Variants in BICD1 observed in about 807,000 individuals in gnomAD.
BICD1 encodes the protein protein bicaudal D homolog 1.
Under a neutral mutation model 92.5 loss-of-function variants are expected in BICD1, and 35 were observed. That is an observed-to-expected ratio of 0.38 (90% CI 0.29 to 0.50). BICD1 has a LOEUF of 0.50. Ranked by LOEUF, BICD1 falls within the 20% of genes least tolerant of loss-of-function variation. The pLI, the probability that BICD1 is intolerant of heterozygous loss-of-function variation, is 0.93. For synonymous variants in BICD1, 429 were observed against 465.1 expected, an observed-to-expected ratio of 0.92 and a Z score of 1.00; for missense variants, 950 against 1,189.8, an observed-to-expected ratio of 0.80 and a Z score of 2.97.
chr12:32,246,247 G>A (rs1410644033), intron 2 of BICD1, among the ~76,000 whole-genome samples: 1 of 150,378 alleles, frequency 6.6e-6, no homozygotes, highest in African/African-American at 2.4e-5. Flanking sequence ...AGGCTGAGGC[G>A]GGAGGATCAC....
chr12:32,346,562 A>ATATATATATACGTGTG (rs1565687093), intron 8 of BICD1, among the ~76,000 whole-genome samples: 2 of 37,170 alleles, frequency 5.4e-5, no homozygotes, highest in Non-Finnish European at 8.2e-5. Flanking sequence ...ATATATATAT[A>ATATATATATACGTGTG]TATATATATA....
intron 4 of BICD1, among the ~76,000 whole-genome samples, chr12:32,323,722 C>A (rs1469268277): frequency 6.6e-6 from 1 of 152,150 alleles, no homozygotes; most frequent in African/African-American, 2.4e-5. Context: ...ATCTTAGGTT[C>A]TAATATATGT....
At chr12:32,292,731 G>GT (rs1947757268) in intron 2 of BICD1, among the ~76,000 whole-genome samples, 1 of 152,010 alleles carries the variant, frequency 6.6e-6, no homozygotes, top group Non-Finnish European at 1.5e-5. Flanking sequence ...AGAAAATGTG[G>GT]TTTTTGGTTT....
At chr12:32,125,028 A>G (rs1798611) in intron 1 of BICD1, among the ~76,000 whole-genome samples, 43,931 of 151,952 alleles carry the variant, frequency 0.29, 6,575 homozygotes, top group Admixed American at 0.43. Flanking sequence ...TCCTTTGTAT[A>G]TTTTAAATCT....
chr12:32,203,547 C>T (rs1243606039), intron 1 of BICD1, among the ~76,000 whole-genome samples: 3 of 152,122 alleles, frequency 2.0e-5, no homozygotes, highest in East Asian at 1.9e-4. Context: ...GTGGCCAACC[C>T]GGAGACTGAT....
chr12:32,357,334 G>A (rs1297885351), intron 8 of BICD1, among the ~76,000 whole-genome samples: 1 of 151,920 alleles, frequency 6.6e-6, no homozygotes, highest in Non-Finnish European at 1.5e-5. Context: ...TTCTTAATTT[G>A]TGCTTCTTGC....
Position 32,134,785 on chromosome 12 carries a change from C to T in BICD1, c.213+27241C>T, listed in dbSNP as rs1019676483. Among the ~76,000 whole-genome samples, 6 of 152,134 alleles carry T rather than the reference C, an allele frequency of 3.9e-5. No homozygotes were observed. The East Asian group carries it at 9.6e-4, about 24-fold the overall frequency. On this transcript the variant is annotated intron_variant, in intron 1 of 9. Transcript: ENST00000652176. Reference sequence around the variant, plus strand: ...CTTTCTAAGTGAAACACCATAGTGTCGGGAGCAATGCCGACAAGCCTGGCC... The same window carrying T: ...CTTTCTAAGTGAAACACCATAGTGTTGGGAGCAATGCCGACAAGCCTGGCC...
Position 32,337,986 on chromosome 12 carries a change from T to A in BICD1, c.2570+170T>A, listed in dbSNP as rs973121874. 9.0e-6 allele frequency: 6 copies of A among 666,496 alleles called. No individual in the cohort carries two copies. Among genetic ancestry groups the A allele is most frequent in the Admixed American group, 5.8e-5 (2 of 34,624 alleles). 41.3% of individuals were successfully genotyped at this position (666,496 alleles called of 1,614,324 possible). A position where few individuals can be genotyped will look rare whatever the true frequency, so the allele number is the denominator to read the frequency against. On this transcript the variant is annotated intron_variant, in intron 7 of 9. Transcript: ENST00000652176. The surrounding 1 kb of genome is among the most constrained non-coding windows in gnomAD (Gnocchi z 4.7). The stretch of plus-strand genomic sequence containing the variant: ...GGGTCTTTCCAGATCAAAACCTTTT[T>A]GATAATTGTGTTTATGTAGTCCTTT...
chr12:32,115,103 C>G (rs2608407), intron 1 of BICD1, among the ~76,000 whole-genome samples: 2 of 151,922 alleles, frequency 1.3e-5, no homozygotes, highest in East Asian at 3.9e-4. Context: ...GCGATTCTCC[C>G]TCCTCAGCCT....
intron 2 of BICD1, among the ~76,000 whole-genome samples, chr12:32,269,146 A>ATT (rs202063761): frequency 6.0e-5 from 9 of 149,538 alleles, no homozygotes; most frequent in Admixed American, 4.0e-4. Context: ...CAGCTGCATT[A>ATT]TTTTTTTTTT....
At chr12:32,365,804 A>G (rs180845089) in intron 8 of BICD1, among the ~76,000 whole-genome samples, 45 of 152,324 alleles carry the variant, frequency 3.0e-4, no homozygotes, top group South Asian at 6.2e-4. Context: ...AGACAAAAGA[A>G]TGCATTCCTT....
Position 32,107,176 on chromosome 12 carries a change from A to T in BICD1, c.-156A>T. The T allele has an allele frequency of 1.4e-6, 1 of 711,618 alleles. No individual in the cohort carries two copies. The highest frequency in any genetic ancestry group is 2.7e-5 in the East Asian group (1 of 36,842). The allele number at this position is 711,618 out of a possible 1,614,324, so 44.1% of individuals were successfully genotyped here. A position where few individuals can be genotyped will look rare whatever the true frequency, so the allele number is the denominator to read the frequency against. On this transcript the variant is annotated 5_prime_UTR_variant, in exon 1 of 10. Coordinates refer to ENST00000652176, the MANE Select transcript of BICD1 (RefSeq NM_001714.4). ...CTCGGGCGGTGTAGCTGCCGCTGCC[A>T]CCAGAGCCGGCGGGGCATCGCGCTG... is the stretch of plus-strand genomic sequence containing the variant.
intron 1 of BICD1, among the ~76,000 whole-genome samples, chr12:32,204,273 C>T (rs1440040801): frequency 6.7e-6 from 1 of 149,900 alleles, no homozygotes; most frequent in African/African-American, 2.5e-5. Flanking sequence ...TTGCCTGAGC[C>T]TGGGAGGTGG....
chr12:32,280,298 A>G (rs1947380914), intron 2 of BICD1, among the ~76,000 whole-genome samples: 1 of 152,186 alleles, frequency 6.6e-6, no homozygotes, highest in African/African-American at 2.4e-5. Context: ...CTTGCACATG[A>G]AAGTCCTCAC....
intron 9 of BICD1, among the ~76,000 whole-genome samples, chr12:32,370,589 A>C: frequency 6.6e-6 from 1 of 152,148 alleles, no homozygotes. Flanking sequence ...TGAGAGAGTG[A>C]ATGAGCTCTG....
At chr12:32,335,184 TC>T (rs1164384180) in intron 6 of BICD1, among the ~76,000 whole-genome samples, 2 of 151,800 alleles carry the variant, frequency 1.3e-5, no homozygotes, top group Non-Finnish European at 2.9e-5. Flanking sequence ...GGAGTCTTAC[TC>T]TGTTGCCCAG....
At chr12:32,137,074 TTTG>T (rs977808498) in intron 1 of BICD1, among the ~76,000 whole-genome samples, 7 of 152,228 alleles carry the variant, frequency 4.6e-5, no homozygotes, top group Middle Eastern at 3.4e-3. Flanking sequence ...GTTAGGTTTT[TTTG>T]TTGTTGTTGT....
intron 8 of BICD1, 123 bp downstream of exon 8, chr12:32,339,102 A>G (rs1413431487): frequency 1.3e-5 from 18 of 1,356,900 alleles, no homozygotes; most frequent in South Asian, 1.9e-5. Context: ...GTAAATTCCT[A>G]TAAGTCAAGT....
intron 8 of BICD1, among the ~76,000 whole-genome samples, chr12:32,360,640 T>A (rs73303941): frequency 0.023 from 3,533 of 152,256 alleles, 130 homozygotes; most frequent in African/African-American, 0.079. Context: ...CATTTTTTTT[T>A]AATATTCTTG....
Sources: gnomAD v4.1 joint callset for allele counts (sites outside exome capture counted in the v4.1 genomes callset) on GRCh38, gnomAD v4.1.1 for gene constraint, Gnocchi (gnomAD v3.1) non-coding constraint, MANE v1.5 for transcripts, NCBI Gene and HGNC (gene_info 2026-07-23, HGNC 2026-07-21) for gene names.